SLC24A2: variants seen among roughly 807,000 people sequenced by gnomAD.
The protein encoded by SLC24A2 is solute carrier family 24 member 2.
Under a neutral mutation model 62.0 loss-of-function variants are expected in SLC24A2, and 36 were observed. The ratio of observed to expected loss-of-function variants is 0.58; its 90% CI spans 0.44 to 0.77. SLC24A2 has a LOEUF of 0.77. SLC24A2 is among the 30% of genes least tolerant of loss of function. SLC24A2 has a pLI of 0.00. For missense variants in SLC24A2, 846 were observed against 817.9 expected, an observed-to-expected ratio of 1.03 and a Z score of -0.42; for synonymous variants, 358 against 294.0, an observed-to-expected ratio of 1.22 and a Z score of -2.23.
chr9:20,159,568 T>A, the SLC24A2 span, among the ~76,000 whole-genome samples: 1 of 151,462 alleles, frequency 6.6e-6, no homozygotes, highest in Non-Finnish European at 1.5e-5. Context: ...GTAGTATGTG[T>A]GACAAAGCAG....
At chr9:19,516,597 C>A (rs1267311659) in intron 10 of SLC24A2, among the ~76,000 whole-genome samples, 195 bp from the exon 11 acceptor site, 1 of 152,168 alleles carries the variant, frequency 6.6e-6, no homozygotes, top group Non-Finnish European at 1.5e-5. Flanking sequence ...CTTTAAAAAC[C>A]TTTATGTCCT....
intron 2 of SLC24A2, among the ~76,000 whole-genome samples, chr9:19,659,400 G>A (rs1301214439): frequency 6.6e-6 from 1 of 152,148 alleles, no homozygotes; most frequent in Non-Finnish European, 1.5e-5. Flanking sequence ...TGTTATGGCA[G>A]CCCTGAGGAA....
At chr9:20,212,293 T>C in the SLC24A2 span, among the ~76,000 whole-genome samples, 853 of 151,832 alleles carry the variant, frequency 5.6e-3, 21 homozygotes, top group East Asian at 0.046. Context: ...TACCAAAAAC[T>C]ACCTGCTTCC....
chr9:19,756,820 T>A (rs1252102344), intron 2 of SLC24A2, among the ~76,000 whole-genome samples: 1 of 151,472 alleles, frequency 6.6e-6, no homozygotes, highest in Non-Finnish European at 1.5e-5. Context: ...TGCTCAAGTT[T>A]AGGGAAGTGT....
At chr9:19,572,567 T>C (rs1835870138) in intron 7 of SLC24A2, among the ~76,000 whole-genome samples, 1 of 152,184 alleles carries the variant, frequency 6.6e-6, no homozygotes, top group African/African-American at 2.4e-5. Context: ...ACATGCTTGC[T>C]TCCCCTTCAC....
At chr9:19,829,658 G>C in the SLC24A2 span, among the ~76,000 whole-genome samples, 1 of 151,646 alleles carries the variant, frequency 6.6e-6, no homozygotes, top group Admixed American at 6.6e-5. Flanking sequence ...TTGAGCCCAA[G>C]AGTTAGAGGC....
chr9:19,809,583 A>G, the SLC24A2 span, among the ~76,000 whole-genome samples: 1 of 152,096 alleles, frequency 6.6e-6, no homozygotes, highest in Non-Finnish European at 1.5e-5. Context: ...CAGTTGTGCC[A>G]ATCATGTTCA....
chr9:20,121,753 G>A, the SLC24A2 span, among the ~76,000 whole-genome samples: 1 of 152,086 alleles, frequency 6.6e-6, no homozygotes, highest in Non-Finnish European at 1.5e-5. Context: ...CCACTCCTAA[G>A]CAGAAATTTG....
intron 2 of SLC24A2, among the ~76,000 whole-genome samples, chr9:19,686,508 T>C (rs1819884862): frequency 6.6e-6 from 1 of 152,118 alleles, no homozygotes; most frequent in Non-Finnish European, 1.5e-5. Context: ...AGTTGTAGTT[T>C]CCATAATCTC....
At chr9:19,982,292 G>A in the SLC24A2 span, among the ~76,000 whole-genome samples, 15 of 152,182 alleles carry the variant, frequency 9.9e-5, no homozygotes, top group African/African-American at 2.9e-4. Flanking sequence ...TGTGCAAGGT[G>A]TGCATGTTTG....
chr9:19,794,805 T>G, the SLC24A2 span, among the ~76,000 whole-genome samples: 1 of 151,902 alleles, frequency 6.6e-6, no homozygotes, highest in African/African-American at 2.4e-5. Context: ...GGAGGCATGC[T>G]GGAGAAGAGG....
the SLC24A2 span, among the ~76,000 whole-genome samples, chr9:19,914,708 C>A: frequency 6.6e-6 from 1 of 151,980 alleles, no homozygotes. Flanking sequence ...TTGTTGTTAA[C>A]AAAGTTATCT....
the SLC24A2 span, among the ~76,000 whole-genome samples, chr9:19,984,479 G>A: frequency 1.3e-5 from 2 of 152,328 alleles, no homozygotes; most frequent in South Asian, 2.1e-4. Context: ...GCCAAGGTAT[G>A]TAGATCATCT....
intron 2 of SLC24A2, among the ~76,000 whole-genome samples, chr9:19,664,208 A>T: frequency 6.6e-6 from 1 of 152,234 alleles, no homozygotes; most frequent in Non-Finnish European, 1.5e-5. Context: ...CTCAGCATGT[A>T]GGAGTCAGAA....
intron 7 of SLC24A2, among the ~76,000 whole-genome samples, chr9:19,554,570 C>A (rs1834990835): frequency 6.6e-6 from 1 of 152,136 alleles, no homozygotes. Context: ...TTTACCTAGG[C>A]TTGGAATAAA....
chr9:20,089,670 G>T, the SLC24A2 span, among the ~76,000 whole-genome samples: 1 of 151,890 alleles, frequency 6.6e-6, no homozygotes, highest in African/African-American at 2.4e-5. Flanking sequence ...GCTCCCAGAG[G>T]CATCTGACAG....
chr9:20,187,570 C>A, the SLC24A2 span, among the ~76,000 whole-genome samples: 1 of 152,222 alleles, frequency 6.6e-6, no homozygotes, highest in East Asian at 1.9e-4. Context: ...TTCCTCTCTC[C>A]AAATCTCTTT....
At chr9:20,056,897 C>G in the SLC24A2 span, among the ~76,000 whole-genome samples, 3 of 152,236 alleles carry the variant, frequency 2.0e-5, no homozygotes, top group Non-Finnish European at 4.4e-5. Flanking sequence ...AAACCCCTCT[C>G]TTTACACCAT....
chr9:19,918,532 C>G, the SLC24A2 span, among the ~76,000 whole-genome samples: 2 of 152,256 alleles, frequency 1.3e-5, no homozygotes, highest in Admixed American at 6.5e-5. Context: ...TCTCTGATTT[C>G]CACCACTTCT....
Sources: allele counts gnomAD v4.1 joint callset (sites outside exome capture counted in the v4.1 genomes callset), GRCh38; gene constraint gnomAD v4.1.1; transcripts MANE v1.5; gene names NCBI Gene and HGNC (gene_info 2026-07-23, HGNC 2026-07-21).